The following SLC12A6 variants were observed in gnomAD, a reference collection of about 807,000 sequenced individuals.
The protein encoded by SLC12A6 is solute carrier family 12 member 6, also known as K-Cl cotransporter 3.
SLC12A6 carries 66 observed loss-of-function variants against 135.3 expected under a neutral mutation model. The ratio of observed to expected loss-of-function variants is 0.49; its 90% CI spans 0.40 to 0.60. The LOEUF is 0.60. SLC12A6 is among the 20% of genes least tolerant of loss of function. The pLI is 0.00. For synonymous variants in SLC12A6, 513 were observed against 508.8 expected (o/e 1.01, Z -0.11); for missense variants, 1,058 against 1,452.3 (o/e 0.73, Z 4.41).
chr15:34,263,236 T>C (rs1010081704), intron 3 of SLC12A6, among the ~76,000 whole-genome samples: 2 of 151,886 alleles, frequency 1.3e-5, no homozygotes, highest in Admixed American at 1.3e-4. Context: ...CTGGGCAACA[T>C]TGAGACCCTG....
rs121908427 is a variant in SLC12A6, at chr15:34,236,719, G to A, written c.3031C>T (p.Arg1011Ter). Residue 1011 changes from arginine (R) to a stop codon, truncating the protein, a stop_gained, in exon 23 of 26, where the codon CGA becomes TGA. Coordinates refer to ENST00000354181, the MANE Select transcript of SLC12A6 (RefSeq NM_001365088.1). LOFTEE classifies it high-confidence loss of function. Reference protein sequence around the residue: ...LRHMRLSKTERDREAQLVKDR... With the variant: ...LRHMRLSKTE Reference sequence around the variant, plus strand: ...CAGTAATGTCTCACCTCTCTGTCTCGCTCTGTTTTGGATAGCCGCATGTGC... The same window carrying A: ...CAGTAATGTCTCACCTCTCTGTCTCACTCTGTTTTGGATAGCCGCATGTGC... The A allele has an allele frequency of 6.3e-6, 10 of 1,578,520 alleles. No individual in the cohort carries two copies. The highest frequency in any genetic ancestry group is 1.7e-5 in the Admixed American group (1 of 59,968).
At chr15:34,267,237 TAAAA>T (rs34850005) in intron 3 of SLC12A6, among the ~76,000 whole-genome samples, 2 of 143,886 alleles carry the variant, frequency 1.4e-5, no homozygotes, top group African/African-American at 5.1e-5. Flanking sequence ...AGTCTCTTTT[TAAAA>T]AAAAAAAAAA....
rs745521643 is a variant in SLC12A6, at chr15:34,235,175, G to T, written c.3361+6C>A. On this transcript the variant is annotated splice_donor_region_variant and intron_variant, in intron 25 of 25. Transcript: ENST00000354181. Reference sequence around the variant, plus strand: ...CTACTGGAAGCCCCACTCTTGGAAAGGATACAGTTTTCATCACCCTCAGGG... The same window carrying T: ...CTACTGGAAGCCCCACTCTTGGAAATGATACAGTTTTCATCACCCTCAGGG... 4.3e-6 allele frequency: 7 copies of T among 1,613,590 alleles called. No homozygotes were observed. Among genetic ancestry groups the T allele is most frequent in the South Asian group, 1.1e-5 (1 of 91,064 alleles).
chr15:34,283,519 T>C (rs540488170), intron 2 of SLC12A6, among the ~76,000 whole-genome samples: 1 of 152,008 alleles, frequency 6.6e-6, no homozygotes, highest in African/African-American at 2.4e-5. Context: ...GAGCCAGACA[T>C]ATGAGGATCC....
At chr15:34,237,798 C>T (rs866808609) in intron 21 of SLC12A6, among the ~76,000 whole-genome samples, 4 of 152,136 alleles carry the variant, frequency 2.6e-5, no homozygotes, top group East Asian at 1.9e-4. Flanking sequence ...AGATGGTTCA[C>T]GATACGTTAA....
chr15:34,329,306 G>A (rs1889681204), intron 2 of SLC12A6, among the ~76,000 whole-genome samples: 1 of 152,196 alleles, frequency 6.6e-6, no homozygotes, highest in Non-Finnish European at 1.5e-5. Context: ...TAGTCCAGAA[G>A]TATATGTTAG....
chr15:34,235,326 A>T lies in SLC12A6; in HGVS notation c.3228-12T>A. 6.2e-7 allele frequency: 1 copy of T among 1,611,810 alleles called. No individual in the cohort carries two copies. The highest frequency in any genetic ancestry group is 8.5e-7 in the Non-Finnish European group (1 of 1,177,868). On this transcript the variant is annotated splice_polypyrimidine_tract_variant and intron_variant, in intron 24 of 25. Coordinates refer to ENST00000354181, the MANE Select transcript of SLC12A6 (RefSeq NM_001365088.1). Reference sequence around the variant, plus strand: ...CATTGGACTGGTCCCTGAGTGGGGAAGAAATAAAGGTTGTTAAGGTAAAAA... The same window carrying T: ...CATTGGACTGGTCCCTGAGTGGGGATGAAATAAAGGTTGTTAAGGTAAAAA...
At chr15:34,235,099 T>TGACTTTTA in intron 25 of SLC12A6, 82 bp downstream of exon 25, 2 of 1,269,486 alleles carry the variant, frequency 1.6e-6, no homozygotes. Flanking sequence ...GCATAGACAA[T>TGACTTTTA]GACTTTTATT....
chr15:34,277,410 G>A (rs1595482781), intron 2 of SLC12A6, among the ~76,000 whole-genome samples: 2 of 151,986 alleles, frequency 1.3e-5, no homozygotes, highest in Non-Finnish European at 1.5e-5. Context: ...CACTCCAGCC[G>A]GGGTGACAGT....
rs1261715184 is a variant in SLC12A6 at position 34,297,342 on chromosome 15, TTAAA to T, written c.272-21957_272-21954del. ...GCAGTGACTCAATTTAAGAAAAAAATTAAATAAACACAAAGATGATCCATAAAAA... is the reference window on the plus strand; with the variant it reads ...GCAGTGACTCAATTTAAGAAAAAAATTAAACACAAAGATGATCCATAAAAA... On this transcript the variant is annotated intron_variant, in intron 2 of 25. Coordinates refer to ENST00000354181, the MANE Select transcript of SLC12A6 (RefSeq NM_001365088.1). Among the ~76,000 whole-genome samples, 32 of 151,984 alleles carry T rather than the reference TTAAA, an allele frequency of 2.1e-4. 1 individual carries two copies. The highest frequency in any genetic ancestry group is 1.7e-3 in the Admixed American group (26 of 15,268).
chr15:34,315,064 T>C (rs935824879), intron 2 of SLC12A6, among the ~76,000 whole-genome samples: 1 of 152,200 alleles, frequency 6.6e-6, no homozygotes, highest in African/African-American at 2.4e-5. Flanking sequence ...AAGTAGTTTC[T>C]TGACATGAAA....
At chr15:34,309,012 T>C (rs1887963489) in intron 2 of SLC12A6, among the ~76,000 whole-genome samples, 2 of 152,206 alleles carry the variant, frequency 1.3e-5, no homozygotes, top group African/African-American at 4.8e-5. Flanking sequence ...TTTTGGCACC[T>C]CACTTTCCTC....
Position 34,237,424 on chromosome 15 carries a change from C to CCACCA in SLC12A6, c.2924_2928dup (p.Glu977TrpfsTer18). ...CTCAAACTCAGCTTTCTCACCATCT[C>CCACCA]CACCACTTCTACCTCCGCCTCAATG... On this transcript the variant is annotated frameshift_variant, in exon 22 of 26. Coordinates refer to ENST00000354181, the MANE Select transcript of SLC12A6 (RefSeq NM_001365088.1). LOFTEE classifies it high-confidence loss of function. 1 of 1,612,262 alleles carries CCACCA rather than the reference C, an allele frequency of 6.2e-7. No individual in the cohort carries two copies. The highest frequency in any genetic ancestry group is 8.5e-7 in the Non-Finnish European group (1 of 1,178,924).
At chr15:34,237,071 GTC>G (rs1321672051) in intron 22 of SLC12A6, 1 of 505,022 alleles carries the variant, frequency 2.0e-6, no homozygotes, top group Admixed American at 3.2e-5. Flanking sequence ...ACAAACTCCA[GTC>G]TCTCTTTTTT....
intron 10 of SLC12A6, 112 bp from the exon 11 acceptor site, chr15:34,251,169 G>A (rs1017299345): frequency 8.7e-6 from 7 of 805,584 alleles, no homozygotes; most frequent in Admixed American, 2.0e-5. Context: ...GTTTCTAAAG[G>A]TGTGTTTGCT....
intron 2 of SLC12A6, among the ~76,000 whole-genome samples, chr15:34,296,953 A>G (rs1391446206): frequency 1.3e-5 from 2 of 152,232 alleles, no homozygotes; most frequent in African/African-American, 4.8e-5. Flanking sequence ...TAACTCCATA[A>G]GAATCAAATT....
chr15:34,239,454 C>T (rs1344325745), intron 19 of SLC12A6, among the ~76,000 whole-genome samples: 1 of 152,180 alleles, frequency 6.6e-6, no homozygotes, highest in Non-Finnish European at 1.5e-5. Flanking sequence ...GAACAGGGAT[C>T]TCTACAAAGT....
At chr15:34,291,962 C>T (rs768139461) in intron 2 of SLC12A6, among the ~76,000 whole-genome samples, 2 of 151,920 alleles carry the variant, frequency 1.3e-5, no homozygotes, top group Admixed American at 6.6e-5. Context: ...TTGTTATTAC[C>T]GACCTTCTGA....
chr15:34,317,446 G>A (rs1425931871), intron 2 of SLC12A6, among the ~76,000 whole-genome samples: 2 of 152,198 alleles, frequency 1.3e-5, no homozygotes, highest in Non-Finnish European at 2.9e-5. Context: ...GCTCACACCT[G>A]TAATCCCAGC....
Sources: allele counts gnomAD v4.1 joint callset (sites outside exome capture counted in the v4.1 genomes callset), GRCh38; gene constraint gnomAD v4.1.1; transcripts MANE v1.5; gene names NCBI Gene and HGNC (gene_info 2026-07-23, HGNC 2026-07-21).